The following DPP8 variants were observed in gnomAD, a reference collection of about 807,000 sequenced individuals.
DPP8 encodes the protein DPP VIII.
In DPP8, 31 loss-of-function variants were observed where a neutral mutation model predicts 107.5. The ratio of observed to expected loss-of-function variants is 0.29; its 90% CI spans 0.22 to 0.39. DPP8 has a LOEUF of 0.39. Among genes scored for constraint, DPP8 ranks in the 10% least tolerant of loss-of-function variants. The pLI, the probability that DPP8 is intolerant of heterozygous loss-of-function variation, is 1.00. For missense variants in DPP8, 842 were observed against 1,076.1 expected (o/e 0.78, Z 3.04); for synonymous variants, 381 against 356.6 (o/e 1.07, Z -0.77).
intron 8 of DPP8, among the ~76,000 whole-genome samples, chr15:65,484,782 G>A (rs1236087578): frequency 6.6e-6 from 1 of 151,830 alleles, no homozygotes; most frequent in African/African-American, 2.4e-5. Context: ...GATATTTAAT[G>A]CACCACAGAT....
At chr15:65,490,522 G>A (rs2067921963) in intron 5 of DPP8, among the ~76,000 whole-genome samples, 1 of 150,800 alleles carries the variant, frequency 6.6e-6, no homozygotes, top group South Asian at 2.2e-4. Context: ...AGGCTACCTT[G>A]TGAGGTTGAT....
chr15:65,490,519 C>G (rs1045238174), intron 5 of DPP8, among the ~76,000 whole-genome samples: 16 of 151,268 alleles, frequency 1.1e-4, no homozygotes, highest in African/African-American at 3.9e-4. Context: ...AAAAGGCTAC[C>G]TTGTGAGGTT....
rs1029601479 is a variant in DPP8, at chr15:65,512,636, CA to C, written c.-11-73del. ...TATCAGAATGATTCTCTGAGAGGGTCAAAAAAAAAGCGGGGGAGTGGGGAGG... is the reference window on the plus strand; with the variant it reads ...TATCAGAATGATTCTCTGAGAGGGTCAAAAAAAAGCGGGGGAGTGGGGAGG... On this transcript the variant is annotated intron_variant, in intron 1 of 19. Transcript: ENST00000300141. 1,371 of 1,398,588 alleles carry C rather than the reference CA, an allele frequency of 9.8e-4. 1 individual carries two copies. The highest frequency in any genetic ancestry group is 1.5e-3 in the South Asian group (106 of 70,742). 86.6% of individuals were successfully genotyped at this position (1,398,588 alleles called of 1,614,324 possible).
At chr15:65,453,096 G>A (rs999940001) in intron 17 of DPP8, among the ~76,000 whole-genome samples, 1 of 152,116 alleles carries the variant, frequency 6.6e-6, no homozygotes, top group South Asian at 2.1e-4. Flanking sequence ...TCATCCTTAT[G>A]TAATTTCTTC....
chr15:65,488,353 C>T (rs2067641858), intron 6 of DPP8, among the ~76,000 whole-genome samples: 1 of 151,872 alleles, frequency 6.6e-6, no homozygotes, highest in African/African-American at 2.4e-5. Context: ...ATGAGTAGGT[C>T]ATGAAATCTG....
intron 15 of DPP8, among the ~76,000 whole-genome samples, chr15:65,457,879 G>A (rs1390368822): frequency 2.0e-5 from 3 of 150,942 alleles, no homozygotes; most frequent in South Asian, 2.1e-4. Flanking sequence ...CTACAGCCTC[G>A]AACTCCTGGG....
At chr15:65,479,086 A>G (rs752599025) in intron 10 of DPP8, 47 bp from the exon 11 acceptor site, 7 of 1,306,580 alleles carry the variant, frequency 5.4e-6, no homozygotes, top group Non-Finnish European at 6.2e-6. Flanking sequence ...TGAAAATACT[A>G]CATAATTCAA....
intron 1 of DPP8, chr15:65,516,279 C>T (rs2071428082): frequency 6.5e-6 from 1 of 153,262 alleles, no homozygotes; most frequent in Non-Finnish European, 1.5e-5. Context: ...AGGGAATTAA[C>T]TTGAATTTAA....
chr15:65,447,226 T>A (rs1449089061), intron 19 of DPP8, among the ~76,000 whole-genome samples: 2 of 151,120 alleles, frequency 1.3e-5, no homozygotes, highest in African/African-American at 4.9e-5. Flanking sequence ...GACCAATGGT[T>A]TGTTCTCTAA....
chr15:65,506,783 T>C (rs903819507), intron 3 of DPP8, among the ~76,000 whole-genome samples: 2 of 150,432 alleles, frequency 1.3e-5, no homozygotes, highest in African/African-American at 4.9e-5. Flanking sequence ...AAAATAAAGA[T>C]AAAATATTGG....
At chr15:65,509,583 T>C (rs986953829) in intron 2 of DPP8, among the ~76,000 whole-genome samples, 2 of 152,156 alleles carry the variant, frequency 1.3e-5, no homozygotes, top group Admixed American at 6.5e-5. Flanking sequence ...TAGGATAGCA[T>C]GACAAAGAAC....
rs1209937510 is a variant in DPP8, at chr15:65,445,311, T to C, written c.*1573A>G. ...TATAGCAAATTTTCTTGGAGTGTTG[T>C]TTAAAAGTATTGGTAATAACTTTCT... On this transcript the variant is annotated 3_prime_UTR_variant, in exon 20 of 20. Coordinates refer to ENST00000300141, the MANE Select transcript of DPP8 (RefSeq NM_130434.5). 2 of 152,188 alleles carry C rather than the reference T, an allele frequency of 1.3e-5. No individual in the cohort carries two copies. The highest frequency in any genetic ancestry group is 1.3e-4 in the Admixed American group (2 of 15,270). The allele number at this position is 152,188 out of a possible 1,614,324, so 9.4% of individuals were successfully genotyped here. A position where few individuals can be genotyped will look rare whatever the true frequency, so the allele number is the denominator to read the frequency against.
At chr15:65,461,602 T>G (rs1162367211) in intron 15 of DPP8, among the ~76,000 whole-genome samples, 4 of 146,200 alleles carry the variant, frequency 2.7e-5, no homozygotes, top group Non-Finnish European at 6.0e-5. Context: ...TTGCTTTCTA[T>G]TAAGCCTTTT....
Position 65,480,383 on chromosome 15 carries a change from G to C in DPP8, c.1135C>G (p.Leu379Val), listed in dbSNP as rs950363488. 1.2e-6 allele frequency: 2 copies of C among 1,611,822 alleles called. No individual in the cohort carries two copies. Among genetic ancestry groups the C allele is most frequent in the African/African-American group, 2.7e-5 (2 of 74,828 alleles). The change falls in exon 10 of 20, where the codon CTA becomes GTA. Residue 379 changes from leucine to valine, a missense_variant. Leu to Val is a conservative substitution (Grantham distance 32). Coordinates refer to ENST00000300141, the MANE Select transcript of DPP8 (RefSeq NM_130434.5). ...PEGKYAWSILLDRSQTRLQIV... is the reference protein window; with the variant it reads ...PEGKYAWSILVDRSQTRLQIV... ...TGTAGGCGAGTCTGGGAGCGATCTA[G>C]TAGGATGGACCAAGCACTATTTAAA...
intron 6 of DPP8, among the ~76,000 whole-genome samples, chr15:65,488,088 C>T (rs924366183): frequency 6.6e-6 from 1 of 152,060 alleles, no homozygotes; most frequent in East Asian, 1.9e-4. Context: ...TTTGTTCTTG[C>T]ATACCATAAA....
chr15:65,488,628 A>C (rs1433179327), intron 6 of DPP8, among the ~76,000 whole-genome samples: 5 of 145,952 alleles, frequency 3.4e-5, no homozygotes, highest in South Asian at 2.1e-4. Flanking sequence ...AAAAAAAAAA[A>C]CCCAAAAACA....
chr15:65,454,336 A>G lies in DPP8; in HGVS notation c.2198T>C (p.Val733Ala). 2.5e-6 allele frequency: 4 copies of G among 1,604,990 alleles called. No homozygotes were observed. The highest frequency in any genetic ancestry group is 3.4e-6 in the Non-Finnish European group (4 of 1,177,010). The change falls in exon 17 of 20, where the codon GTG (valine) becomes GCG (alanine). Residue 733 changes from valine (V) to alanine (A), a missense_variant. Transcript: ENST00000300141. ...SRYDFIDLDR[V>A]GIHGWSYGGY... is the part of the protein sequence containing the mutation. Reference sequence around the variant, plus strand: ...TCCATAGGACCAGCCGTGGATGCCCACACGATCTAAGTCAATGAAATCATA... The same window carrying G: ...TCCATAGGACCAGCCGTGGATGCCCGCACGATCTAAGTCAATGAAATCATA...
At chr15:65,461,887 T>A (rs1476104815) in intron 15 of DPP8, among the ~76,000 whole-genome samples, 1 of 145,484 alleles carries the variant, frequency 6.9e-6, no homozygotes, top group Non-Finnish European at 1.5e-5. Context: ...GCTTGAGCCA[T>A]CGCGCACAGC....
At chr15:65,484,406 T>C (rs1187531091) in intron 8 of DPP8, among the ~76,000 whole-genome samples, 3 of 152,040 alleles carry the variant, frequency 2.0e-5, no homozygotes, top group East Asian at 1.9e-4. Flanking sequence ...GGGTATCTTT[T>C]TGAGGTAATA....
Sources: allele counts gnomAD v4.1 joint callset (sites outside exome capture counted in the v4.1 genomes callset), GRCh38; gene constraint gnomAD v4.1.1; transcripts MANE v1.5; gene names NCBI Gene and HGNC (gene_info 2026-07-23, HGNC 2026-07-21).